The following SOX6 variants were observed in gnomAD, a reference collection of about 807,000 sequenced individuals.
The protein encoded by SOX6 is SRY-box transcription factor 6, also known as transcription factor SOX-6.
SOX6 carries 11 observed loss-of-function variants against 97.8 expected under a neutral mutation model. The ratio of observed to expected loss-of-function variants is 0.11; its 90% confidence interval spans 0.07 to 0.19. The LOEUF is 0.19. SOX6 is among the 10% of genes least tolerant of loss of function. The pLI is 1.00. For missense variants in SOX6, 810 were observed against 1,039.5 expected (o/e 0.78, Z 3.04); for synonymous variants, 360 against 371.4 (o/e 0.97, Z 0.35).
At chr11:16,182,189 T>C (rs1851364498) in intron 6 of SOX6, among the ~76,000 whole-genome samples, 1 of 151,784 alleles carries the variant, frequency 6.6e-6, no homozygotes, top group African/African-American at 2.4e-5. Flanking sequence ...AAAACATCAG[T>C]GAAGACAACC....
intron 1 of SOX6, among the ~76,000 whole-genome samples, chr11:16,379,454 A>C (rs1857742930): frequency 6.6e-6 from 1 of 152,180 alleles, no homozygotes; most frequent in Non-Finnish European, 1.5e-5. Context: ...CAACAAGAGC[A>C]AAACTCCATC....
chr11:16,695,957 G>A (rs1848050813), intron 3 of SOX6, among the ~76,000 whole-genome samples: 2 of 152,170 alleles, frequency 1.3e-5, no homozygotes, highest in Non-Finnish European at 2.9e-5. Flanking sequence ...CAGTGAGTGA[G>A]CCAAGATCAT....
chr11:16,585,636 G>A (rs1299338499), intron 4 of SOX6, among the ~76,000 whole-genome samples: 1 of 151,694 alleles, frequency 6.6e-6, no homozygotes, highest in Non-Finnish European at 1.5e-5. Flanking sequence ...CATTAATGGG[G>A]CGGGGGAGTC....
At chr11:16,048,313 T>A (rs1564925485) in intron 11 of SOX6, among the ~76,000 whole-genome samples, 1 of 152,172 alleles carries the variant, frequency 6.6e-6, no homozygotes, top group African/African-American at 2.4e-5. Flanking sequence ...AACTTTCAGG[T>A]CCCAAAAAGA....
rs545108612 is a variant in SOX6 at position 16,028,937 on chromosome 11, A to G, written c.1624-13887T>C. On this transcript the variant is annotated intron_variant, in intron 12 of 15. Transcript: ENST00000683767. ...GTAGAGCTTTGTGTTTGTTGTCATT[A>G]TATTAGGAAAAAACAAGGCTCGTCA... Among the ~76,000 whole-genome samples, 15 of 152,358 alleles carry G rather than the reference A, an allele frequency of 9.8e-5. No individual in the cohort carries two copies. In the East Asian group the frequency reaches 2.3e-3, roughly 24 times the overall value.
At chr11:16,372,802 T>A (rs1857526273) in intron 1 of SOX6, among the ~76,000 whole-genome samples, 1 of 152,114 alleles carries the variant, frequency 6.6e-6, no homozygotes, top group Admixed American at 6.6e-5. Context: ...GACACGTGGA[T>A]GGAACAACTG....
chr11:16,207,378 G>A (rs748283059), intron 4 of SOX6, among the ~76,000 whole-genome samples: 27 of 152,020 alleles, frequency 1.8e-4, no homozygotes, highest in Non-Finnish European at 1.6e-4. Context: ...CGAGGTGGGC[G>A]GATCATGAGG....
intron 4 of SOX6, among the ~76,000 whole-genome samples, chr11:16,606,720 G>C (rs1848338846): frequency 2.0e-5 from 3 of 152,218 alleles, no homozygotes; most frequent in African/African-American, 7.2e-5. Flanking sequence ...ACAGCTTTCT[G>C]TTGTCAAAGG....
chr11:16,077,444 C>T (rs1478740846), intron 9 of SOX6, among the ~76,000 whole-genome samples: 1 of 152,146 alleles, frequency 6.6e-6, no homozygotes, highest in African/African-American at 2.4e-5. Flanking sequence ...TTTGACCCAG[C>T]AATCTCATTA....
At position 16,117,556 on chromosome 11, in the gene SOX6, G is replaced by A. The variant is rs536129526; in HGVS notation, c.778-5633C>T. 6.8e-4 allele frequency among the ~76,000 whole-genome samples: 103 copies of A among 152,216 alleles called. No homozygotes were observed. The South Asian group carries it at 7.9e-3, about 12-fold the overall frequency. ...GTATTATACTTACTAAAAGATTGTC[G>A]GTTGAATGTGGAACAGAAATGGAAA... On this transcript the variant is annotated intron_variant, in intron 6 of 15. Transcript: ENST00000683767.
chr11:16,234,193 C>T (rs1049655969), intron 4 of SOX6, among the ~76,000 whole-genome samples: 2 of 151,862 alleles, frequency 1.3e-5, no homozygotes, highest in Admixed American at 6.6e-5. Flanking sequence ...TACAGGCAAC[C>T]CATTTTGATT....
intron 1 of SOX6, among the ~76,000 whole-genome samples, chr11:16,452,744 C>T (rs1038122481): frequency 6.6e-6 from 1 of 152,028 alleles, no homozygotes; most frequent in African/African-American, 2.4e-5. Flanking sequence ...AGTCATGAGG[C>T]ACAGGGCAAA....
chr11:16,580,196 G>A (rs1255394515), intron 4 of SOX6, among the ~76,000 whole-genome samples: 1 of 152,122 alleles, frequency 6.6e-6, no homozygotes, highest in Non-Finnish European at 1.5e-5. Context: ...AGATCCCCAG[G>A]TGATTTGCAT....
At chr11:16,236,511 C>G (rs183084028) in intron 3 of SOX6, among the ~76,000 whole-genome samples, 10 of 151,988 alleles carry the variant, frequency 6.6e-5, no homozygotes, top group African/African-American at 9.6e-5. Context: ...CTACCCAATT[C>G]TGTTTTTTTT....
At chr11:16,287,077 CTGT>C in intron 3 of SOX6, among the ~76,000 whole-genome samples, 1 of 151,782 alleles carries the variant, frequency 6.6e-6, no homozygotes. Context: ...TTTCCTGTTG[CTGT>C]TGTTAACATA....
chr11:16,489,323 C>T lies in SOX6; in HGVS notation n.610-12935G>A, dbSNP rs113019486. ...TATTTTCTAAATTGTCATTAACATG[C>T]AAGTAAATCTTCTAATTAATAATGT... On this transcript the variant is annotated intron_variant and non_coding_transcript_variant, in intron 4 of 5. Coordinates refer to the SOX6 transcript ENST00000524520. 1.6e-3 allele frequency among the ~76,000 whole-genome samples: 243 copies of T among 152,210 alleles called. 1 individual carries two copies. Among genetic ancestry groups the T allele is most frequent in the Non-Finnish European group, 5.1e-4 (35 of 67,962 alleles).
At chr11:16,454,683 A>G (rs936843545) in intron 1 of SOX6, among the ~76,000 whole-genome samples, 1 of 152,096 alleles carries the variant, frequency 6.6e-6, no homozygotes, top group Non-Finnish European at 1.5e-5. Flanking sequence ...AATGTAGTGC[A>G]TTCTCCTTTG....
At chr11:16,285,942 A>G (rs1854726213) in intron 3 of SOX6, among the ~76,000 whole-genome samples, 1 of 152,172 alleles carries the variant, frequency 6.6e-6, no homozygotes, top group Non-Finnish European at 1.5e-5. Flanking sequence ...ATTTCCCAAG[A>G]GAATACATAT....
chr11:16,652,031 AT>A (rs1847660925), intron 3 of SOX6, among the ~76,000 whole-genome samples: 1 of 127,822 alleles, frequency 7.8e-6, no homozygotes, highest in East Asian at 2.3e-4. Flanking sequence ...GCAAAAAAAT[AT>A]ATGCCTAAAA....
Sources: allele counts gnomAD v4.1 joint callset (sites outside exome capture counted in the v4.1 genomes callset), GRCh38; gene constraint gnomAD v4.1.1; transcripts MANE v1.5; gene names NCBI Gene and HGNC (gene_info 2026-07-23, HGNC 2026-07-21).